Variants in FIG4 observed in about 807,000 individuals in gnomAD.
The protein encoded by FIG4 is polyphosphoinositide phosphatase.
In FIG4, 112 loss-of-function variants were observed where a neutral mutation model predicts 118.6. The observed-to-expected ratio is 0.94, with a 90% CI of 0.81 to 1.11. FIG4 has a LOEUF of 1.11. Among genes scored for constraint, FIG4 ranks in the 50% least tolerant of loss-of-function variants. The pLI, the probability that FIG4 is intolerant of heterozygous loss-of-function variation, is 0.00. For missense variants in FIG4, 969 were observed against 1,111.7 expected (o/e 0.87, Z 1.83); for synonymous variants, 369 against 381.2 (o/e 0.97, Z 0.37).
At chr6:109,694,059 T>C (rs1774635306) in intron 1 of FIG4, among the ~76,000 whole-genome samples, 1 of 152,124 alleles carries the variant, frequency 6.6e-6, no homozygotes, top group Admixed American at 6.5e-5. Flanking sequence ...ATATTCTACA[T>C]ATATTTTATT....
chr6:109,741,445 G>A lies in FIG4; in HGVS notation c.777G>A (p.Lys259=), dbSNP rs1004946828. 3.1e-6 allele frequency: 5 copies of A among 1,601,792 alleles called. No individual in the cohort carries two copies. Among genetic ancestry groups the A allele is most frequent in the African/African-American group, 2.7e-5 (2 of 74,618 alleles). Reference sequence around the variant, plus strand: ...AACAACCTTAACTTGATTTCCAAGAGCTGTTGATCTATGGACGACCAGTGT... The same window carrying A: ...AACAACCTTAACTTGATTTCCAAGAACTGTTGATCTATGGACGACCAGTGT... ...YIIHGFCGQS[K]LLIYGRPVYV... Residue 259 remains lysine, a splice_region_variant and synonymous_variant, in exon 8 of 23, where the codon AAG becomes AAA. Coordinates refer to ENST00000230124, the MANE Select transcript of FIG4 (RefSeq NM_014845.6).
intron 1 of FIG4, among the ~76,000 whole-genome samples, chr6:109,707,362 CGTGT>C (rs754038493): frequency 6.9e-6 from 1 of 144,910 alleles, no homozygotes; most frequent in African/African-American, 2.6e-5. Context: ...TACATATATA[CGTGT>C]ATATATATAT....
intron 4 of FIG4, among the ~76,000 whole-genome samples, chr6:109,729,884 A>C (rs1390336380): frequency 6.6e-6 from 1 of 152,112 alleles, no homozygotes; most frequent in Non-Finnish European, 1.5e-5. Flanking sequence ...GAAAATGTAT[A>C]AGGTACCTGC....
At chr6:109,763,402 T>A (rs77200376) in intron 12 of FIG4, among the ~76,000 whole-genome samples, 69,969 of 151,592 alleles carry the variant, frequency 0.46, 17,532 homozygotes, top group African/African-American at 0.67. Context: ...TCATCTATAG[T>A]ATTTCATAAC....
In FIG4 at chr6:109,743,291, TTAA is replaced by T; in HGVS notation, c.1039+26_1039+28del. The stretch of plus-strand genomic sequence containing the variant: ...ATTACATGTGTGTGGAGCCATGTTT[TTAA>T]TAATAACTCCTGTCCTCACATTTAG... On this transcript the variant is annotated intron_variant, in intron 9 of 22. Coordinates refer to ENST00000230124, the MANE Select transcript of FIG4 (RefSeq NM_014845.6). 6.2e-7 allele frequency: 1 copy of T among 1,608,018 alleles called. No individual in the cohort carries two copies. Among genetic ancestry groups the T allele is most frequent in the Non-Finnish European group, 8.5e-7 (1 of 1,174,906 alleles).
chr6:109,728,553 A>T (rs1246839580), intron 4 of FIG4, among the ~76,000 whole-genome samples: 1 of 152,210 alleles, frequency 6.6e-6, no homozygotes, highest in Non-Finnish European at 1.5e-5. Flanking sequence ...ATGAACCAAA[A>T]TTTAAAGGTG....
At chr6:109,791,953 C>T (rs1424562797) in intron 20 of FIG4, among the ~76,000 whole-genome samples, 2 of 152,066 alleles carry the variant, frequency 1.3e-5, no homozygotes, top group African/African-American at 4.8e-5. Context: ...CTGTTCAATT[C>T]AATATTACTG....
chr6:109,764,871 A>G, intron 13 of FIG4, 142 bp from the exon 14 acceptor site: 1 of 700,514 alleles, frequency 1.4e-6, no homozygotes, highest in Non-Finnish European at 2.5e-6. Flanking sequence ...ATATTTGTTC[A>G]GGAATAATAC....
chr6:109,821,100 C>A (rs1778993971), intron 22 of FIG4, among the ~76,000 whole-genome samples: 1 of 152,228 alleles, frequency 6.6e-6, no homozygotes, highest in Non-Finnish European at 1.5e-5. Context: ...CACATACAGT[C>A]TTGAACCCAA....
intron 10 of FIG4, among the ~76,000 whole-genome samples, chr6:109,757,937 A>G (rs1583692060): frequency 6.6e-6 from 1 of 152,178 alleles, no homozygotes; most frequent in African/African-American, 2.4e-5. Context: ...AGAACTACAA[A>G]CCACTGCCCA....
At chr6:109,715,233 C>T (rs1232212240) in intron 2 of FIG4, 57 bp downstream of exon 2, 4 of 826,736 alleles carry the variant, frequency 4.8e-6, no homozygotes, top group Non-Finnish European at 8.5e-6. Flanking sequence ...GTTTAAAGGA[C>T]ATGAAATATC....
At chr6:109,718,980 G>A (rs1168906979) in intron 3 of FIG4, among the ~76,000 whole-genome samples, 5 of 149,608 alleles carry the variant, frequency 3.3e-5, no homozygotes, top group South Asian at 4.2e-4. Context: ...GTGCAGTGGC[G>A]CGACCTTGGC....
intron 4 of FIG4, among the ~76,000 whole-genome samples, chr6:109,728,150 A>G (rs1775878007): frequency 6.6e-6 from 1 of 152,228 alleles, no homozygotes. Context: ...ATGCTAAAAT[A>G]CTTAGGAGTG....
At position 109,810,646 on chromosome 6, in the gene FIG4, A is replaced by G. The variant is rs548423602; in HGVS notation, c.2546+13795A>G. On this transcript the variant is annotated intron_variant, in intron 22 of 22. Coordinates refer to ENST00000230124, the MANE Select transcript of FIG4 (RefSeq NM_014845.6). ...CATTCAAAGCCCAATGGGAATTAAGATCCAAACTGTTTGTTCACTCATGGA... is the reference window on the plus strand; with the variant it reads ...CATTCAAAGCCCAATGGGAATTAAGGTCCAAACTGTTTGTTCACTCATGGA... 4.6e-5 allele frequency among the ~76,000 whole-genome samples: 7 copies of G among 152,358 alleles called. No homozygotes were observed. In the South Asian group the frequency reaches 1.0e-3, roughly 23 times the overall value.
In FIG4 at chr6:109,743,776, T is replaced by C. The variant is rs1776398066; in HGVS notation, c.1137+4T>C. 1.9e-6 allele frequency: 3 copies of C among 1,599,486 alleles called. No individual in the cohort carries two copies. The highest frequency in any genetic ancestry group is 2.6e-6 in the Non-Finnish European group (3 of 1,167,218). ...CATCATCTTGAATTTAGTGAAGGTA[T>C]GATGTGCTCATCTGTTTGGTTATGA... On this transcript the variant is annotated splice_donor_region_variant and intron_variant, in intron 10 of 22. Transcript: ENST00000230124.
chr6:109,741,645 T>A, intron 8 of FIG4, 101 bp downstream of exon 8: 1 of 831,028 alleles, frequency 1.2e-6, no homozygotes, highest in Non-Finnish European at 2.1e-6. Flanking sequence ...ATTTCTTAGT[T>A]TGGGATATTA....
Position 109,740,178 on chromosome 6 carries a change from G to A in FIG4, c.776-1266G>A, listed in dbSNP as rs548713174. Reference sequence around the variant, plus strand: ...AAAGAATGTGCTACAATTTCTAAAGGTAGTTCCTAAAAGATAGTTCTAAGC... The same window carrying A: ...AAAGAATGTGCTACAATTTCTAAAGATAGTTCCTAAAAGATAGTTCTAAGC... On this transcript the variant is annotated intron_variant, in intron 7 of 22. Transcript: ENST00000230124. Among the ~76,000 whole-genome samples, 4 of 152,220 alleles carry A rather than the reference G, an allele frequency of 2.6e-5. No homozygotes were observed. In the South Asian group the frequency reaches 6.2e-4, roughly 24 times the overall value.
intron 22 of FIG4, among the ~76,000 whole-genome samples, chr6:109,818,428 G>A (rs979715180): frequency 9.9e-5 from 15 of 152,186 alleles, no homozygotes; most frequent in Admixed American, 2.6e-4. Flanking sequence ...TCGAACTCCC[G>A]ACCTCAGGTG....
Position 109,825,083 on chromosome 6 carries a change from T to G in FIG4, c.2547-5T>G, listed in dbSNP as rs200267243. The G allele has an allele frequency of 6.2e-4, 1,004 of 1,613,092 alleles. 1 individual carries two copies. The highest frequency in any genetic ancestry group is 7.9e-4 in the Non-Finnish European group (935 of 1,179,020). On this transcript the variant is annotated splice_region_variant and splice_polypyrimidine_tract_variant and intron_variant, in intron 22 of 22. Transcript: ENST00000230124. Reference sequence around the variant, plus strand: ...TGCAGCCCTCTCTTTATTCATCTTTTATAGAACACCCATCTCGGCTTTCTC... The same window carrying G: ...TGCAGCCCTCTCTTTATTCATCTTTGATAGAACACCCATCTCGGCTTTCTC...
Sources: allele counts gnomAD v4.1 joint callset (sites outside exome capture counted in the v4.1 genomes callset), GRCh38; gene constraint gnomAD v4.1.1; transcripts MANE v1.5; gene names NCBI Gene and HGNC (gene_info 2026-07-23, HGNC 2026-07-21).